CD36: variants seen among roughly 807,000 people sequenced by gnomAD.
The protein encoded by CD36 is platelet glycoprotein 4.
Under a neutral mutation model 55.2 loss-of-function variants are expected in CD36, and 119 were observed. The observed-to-expected ratio is 2.15, with a 90% CI of 1.86 to 2.51. The LOEUF is 2.51. CD36 is among the 30% of genes most tolerant of loss of function. The pLI, the probability that CD36 is intolerant of heterozygous loss-of-function variation, is 0.00. For synonymous variants in CD36, 186 were observed against 193.6 expected (o/e 0.96, Z 0.33); for missense variants, 819 against 555.5 (o/e 1.47, Z -4.77).
chr7:80,655,290 C>G (rs1346138808), intron 3 of CD36, among the ~76,000 whole-genome samples: 1 of 151,732 alleles, frequency 6.6e-6, no homozygotes, highest in Admixed American at 6.6e-5. Context: ...CTATCTACTA[C>G]AGCGTAATAG....
At chr7:80,663,953 CAT>C (rs1796771418) in intron 6 of CD36, among the ~76,000 whole-genome samples, 1 of 152,100 alleles carries the variant, frequency 6.6e-6, no homozygotes, top group Non-Finnish European at 1.5e-5. Context: ...ACTCAATACT[CAT>C]AGCTCTTTCT....
chr7:80,611,038 G>C (rs111750572), intron 1 of CD36, among the ~76,000 whole-genome samples: 11 of 152,072 alleles, frequency 7.2e-5, no homozygotes, highest in African/African-American at 2.4e-4. Flanking sequence ...ACCATGCCCA[G>C]CTAATTTTTG....
At chr7:80,666,613 C>G in intron 8 of CD36, 124 bp downstream of exon 8, 1 of 748,362 alleles carries the variant, frequency 1.3e-6, no homozygotes, top group Admixed American at 1.9e-5. Flanking sequence ...ATCCCCACAA[C>G]AAAATTCAGA....
At chr7:80,675,466 C>T (rs918164767) in intron 14 of CD36, among the ~76,000 whole-genome samples, 1 of 151,580 alleles carries the variant, frequency 6.6e-6, no homozygotes, top group Non-Finnish European at 1.5e-5. Context: ...CTTAATGATC[C>T]TTGGATGTCA....
rs918744014 is a variant in CD36 at position 80,656,417 on chromosome 7, C to G, written c.121-123C>G. ...AGTGTATGGTAAGGTTGCAAAGGTT[C>G]TCATGAATGAGGTACTTGGGCTTGG... On this transcript the variant is annotated intron_variant, in intron 3 of 14. Transcript: ENST00000447544. The G allele has an allele frequency of 7.1e-5, 54 of 765,016 alleles. 1 individual carries two copies. In the South Asian group the frequency reaches 8.4e-4, roughly 12 times the overall value. The allele number at this position is 765,016 out of a possible 1,614,324, so 47.4% of individuals were successfully genotyped here. A position where few individuals can be genotyped will look rare whatever the true frequency, so the allele number is the denominator to read the frequency against.
intron 1 of CD36, among the ~76,000 whole-genome samples, chr7:80,615,885 A>G (rs1010215076): frequency 6.6e-6 from 1 of 152,190 alleles, no homozygotes; most frequent in Non-Finnish European, 1.5e-5. Context: ...GGTTAATTTT[A>G]TAGTTCACTT....
intron 8 of CD36, among the ~76,000 whole-genome samples, chr7:80,667,886 G>A (rs1388181893): frequency 1.3e-5 from 2 of 151,556 alleles, no homozygotes; most frequent in East Asian, 3.9e-4. Context: ...GAGTAGTTGG[G>A]ACTACAGGCA....
intron 3 of CD36, 39 bp from the exon 4 acceptor site, chr7:80,656,501 C>A: frequency 6.3e-7 from 1 of 1,598,240 alleles, no homozygotes; most frequent in Non-Finnish European, 8.6e-7. Flanking sequence ...CCTGTACTTA[C>A]TACAAAGACA....
At chr7:80,670,338 G>A (rs1797541248) in intron 9 of CD36, 1 of 359,696 alleles carries the variant, frequency 2.8e-6, no homozygotes, top group South Asian at 2.6e-5. Context: ...GTGTTAATGT[G>A]CTCTGCTCAG....
At chr7:80,648,958 A>G (rs1795389100) in intron 3 of CD36, among the ~76,000 whole-genome samples, 1 of 152,154 alleles carries the variant, frequency 6.6e-6, no homozygotes, top group Admixed American at 6.6e-5. Context: ...AAAAGATTAG[A>G]AGTTAACATG....
chr7:80,620,441 A>G (rs916410442), intron 1 of CD36, among the ~76,000 whole-genome samples: 1 of 152,144 alleles, frequency 6.6e-6, no homozygotes, highest in African/African-American at 2.4e-5. Flanking sequence ...TATGTTTACC[A>G]GTTTATTATA....
At chr7:80,636,603 T>G (rs1213182148), upstream of CD36, among the ~76,000 whole-genome samples, 1 of 151,894 alleles carries the variant, frequency 6.6e-6, no homozygotes, top group African/African-American at 2.4e-5. Context: ...TTATATCCTG[T>G]CATTCTAATA....
chr7:80,663,599 C>T (rs1182109147), intron 6 of CD36, among the ~76,000 whole-genome samples: 4 of 151,694 alleles, frequency 2.6e-5, no homozygotes, highest in African/African-American at 9.7e-5. Context: ...AAAAGTTAGC[C>T]TAATGTTCAC....
Position 80,673,402 on chromosome 7 carries a change from T to TTAA in CD36, c.1249_1251dup (p.Asn417dup), listed in dbSNP as rs1374001103. On this transcript the variant is annotated inframe_insertion, in exon 13 of 15. Transcript: ENST00000447544. ...AACTATATTGTGCCTATTCTTTGGC[T>TTAA]TAATGAGGTTTGTATTTGCAGCTGT... is the stretch of plus-strand genomic sequence containing the variant. 6.4e-7 allele frequency: 1 copy of TTAA among 1,564,710 alleles called. No homozygotes were observed. Among genetic ancestry groups the TTAA allele is most frequent in the Non-Finnish European group, 8.8e-7 (1 of 1,135,846 alleles).
rs199530093 is a variant in CD36 at position 80,662,989 on chromosome 7, G to C, written c.430-1G>C. On this transcript the variant is annotated splice_acceptor_variant, in intron 5 of 14. Coordinates refer to ENST00000447544, the MANE Select transcript of CD36 (RefSeq NM_001001548.3). LOFTEE classifies it high-confidence loss of function. ...CTTAAACAGTGACTTTGTTTTTGTA[G>C]GCTGCATCCCATATCTATCAAAATC... The C allele has an allele frequency of 2.8e-5, 45 of 1,609,548 alleles. No individual in the cohort carries two copies. The East Asian group carries it at 9.8e-4, about 35-fold the overall frequency.
rs569354356 is a variant in CD36 at position 80,648,109 on chromosome 7, C to T, written c.120+1249C>T. 3.3e-5 allele frequency among the ~76,000 whole-genome samples: 5 copies of T among 152,122 alleles called. No individual in the cohort carries two copies. The East Asian group carries it at 7.7e-4, about 24-fold the overall frequency. ...AAAAAACATATGTAAATTAGTATCC[C>T]CTGCCTTGGAATTCTTAGTTTTCTT... On this transcript the variant is annotated intron_variant, in intron 3 of 14. Coordinates refer to ENST00000447544, the MANE Select transcript of CD36 (RefSeq NM_001001548.3).
At position 80,661,071 on chromosome 7, in the gene CD36, T is replaced by C; in HGVS notation, c.290T>C (p.Phe97Ser). ...QRGPYTYRVR[F>S]LAKENVTQDA... ...TACTGCTATTTCTTTAGAGTTCGTT[T>C]TCTAGCCAAGGAAAATGTAACCCAG... The change falls in exon 5 of 15, where the codon TTT becomes TCT. Residue 97 changes from phenylalanine (F) to serine (S), a missense_variant. Physicochemically the swap from Phe to Ser is radical, Grantham distance 155. Transcript: ENST00000447544. 1 of 1,613,392 alleles carries C rather than the reference T, an allele frequency of 6.2e-7. No homozygotes were observed. Among genetic ancestry groups the C allele is most frequent in the Non-Finnish European group, 8.5e-7 (1 of 1,179,356 alleles).
chr7:80,669,933 G>C lies in CD36; in HGVS notation c.749-20G>C. 7.0e-6 allele frequency: 11 copies of C among 1,580,244 alleles called. No individual in the cohort carries two copies. Among genetic ancestry groups the C allele is most frequent in the Non-Finnish European group, 9.6e-6 (11 of 1,149,406 alleles). On this transcript the variant is annotated intron_variant, in intron 8 of 14. Coordinates refer to ENST00000447544, the MANE Select transcript of CD36 (RefSeq NM_001001548.3). ...GAACACACATTACATCTAATCATTT[G>C]CCACTCGATTTTTAAACAGATGCAG... is the stretch of plus-strand genomic sequence containing the variant.
chr7:80,672,818 T>TTGGTCAAGC lies in CD36; in HGVS notation c.1175_1183dup (p.Leu392_Lys394dup). 2 of 1,610,886 alleles carry TTGGTCAAGC rather than the reference T, an allele frequency of 1.2e-6. No individual in the cohort carries two copies. Among genetic ancestry groups the TTGGTCAAGC allele is most frequent in the Non-Finnish European group, 1.7e-6 (2 of 1,177,994 alleles). On this transcript the variant is annotated inframe_insertion, in exon 12 of 15. Coordinates refer to ENST00000447544, the MANE Select transcript of CD36 (RefSeq NM_001001548.3). The stretch of plus-strand genomic sequence containing the variant: ...TGCAAAACGGCTGCAGGTCAACCTA[T>TTGGTCAAGC]TGGTCAAGCCATCAGAAAAAATTCA...
Sources: allele counts gnomAD v4.1 joint callset (sites outside exome capture counted in the v4.1 genomes callset), GRCh38; gene constraint gnomAD v4.1.1; transcripts MANE v1.5; gene names NCBI Gene and HGNC (gene_info 2026-07-23, HGNC 2026-07-21).